Variants in FARS2 observed in about 807,000 individuals in gnomAD.
FARS2 encodes the protein phenylalanyl-tRNA synthetase 2, mitochondrial.
In FARS2, 40 loss-of-function variants were observed where a neutral mutation model predicts 46.4. The observed-to-expected ratio is 0.86, with a 90% CI of 0.67 to 1.12. The LOEUF (loss-of-function observed/expected upper bound fraction) is 1.12, where lower values mean the gene tolerates loss of function less well. Among genes scored for constraint, FARS2 ranks in the 50% most tolerant of loss-of-function variants. FARS2 has a pLI of 0.00. For missense variants in FARS2, 513 were observed against 567.9 expected (o/e 0.90, Z 0.98); for synonymous variants, 234 against 214.9 (o/e 1.09, Z -0.78).
chr6:5,481,122 C>T (rs1425610655), intron 4 of FARS2, among the ~76,000 whole-genome samples: 1 of 152,226 alleles, frequency 6.6e-6, no homozygotes, highest in Admixed American at 6.5e-5. Context: ...AACTCCCTGT[C>T]TCTCCCCGCT....
chr6:5,285,719 T>A (rs1398669414), intron 1 of FARS2, among the ~76,000 whole-genome samples: 2 of 152,172 alleles, frequency 1.3e-5, no homozygotes, highest in Non-Finnish European at 2.9e-5. Flanking sequence ...TCAAACCATT[T>A]AGGTCAAGTT....
rs149464883 is a variant in FARS2 at position 5,385,991 on chromosome 6, G to A, written c.612+16809G>A. ...GATGCCACACATTCTTGGGAAGCTC[G>A]TCCTAAACCAGATTGCTGTAAAATA... On this transcript the variant is annotated intron_variant, in intron 2 of 6. Transcript: ENST00000274680. Among the ~76,000 whole-genome samples, 608 of 152,172 alleles carry A rather than the reference G, an allele frequency of 4.0e-3. 2 individuals carry two copies. The highest frequency in any genetic ancestry group is 0.014 in the African/African-American group (584 of 41,490).
intron 4 of FARS2, among the ~76,000 whole-genome samples, chr6:5,474,435 T>C (rs1409968575): frequency 1.3e-5 from 2 of 152,046 alleles, no homozygotes; most frequent in African/African-American, 4.8e-5. Flanking sequence ...CTGAGAAACA[T>C]GTTGTTAGGC....
chr6:5,501,565 C>A (rs1386250766), intron 4 of FARS2, among the ~76,000 whole-genome samples: 1 of 152,048 alleles, frequency 6.6e-6, no homozygotes, highest in Non-Finnish European at 1.5e-5. Flanking sequence ...GGCGTGATCT[C>A]AGCTCACTGC....
intron 5 of FARS2, among the ~76,000 whole-genome samples, chr6:5,556,425 T>G (rs768537810): frequency 6.6e-6 from 1 of 152,000 alleles, no homozygotes; most frequent in East Asian, 1.9e-4. Context: ...CTCAGTCCCT[T>G]GTACCGTCAG....
intron 1 of FARS2, among the ~76,000 whole-genome samples, chr6:5,366,835 TAACC>T (rs1444389246): frequency 9.2e-5 from 14 of 152,356 alleles, no homozygotes; most frequent in Non-Finnish European, 1.5e-4. Flanking sequence ...AGGTAGCTAA[TAACC>T]TAACAGTTTG....
At chr6:5,370,291 C>T (rs763266599) in intron 2 of FARS2, among the ~76,000 whole-genome samples, 5 of 151,782 alleles carry the variant, frequency 3.3e-5, no homozygotes, top group African/African-American at 7.3e-5. Context: ...TGTTCTTTTG[C>T]GACTCTGTGA....
the FARS2 span, among the ~76,000 whole-genome samples, chr6:5,252,910 C>T: frequency 6.6e-6 from 1 of 151,978 alleles, no homozygotes; most frequent in South Asian, 2.1e-4. Context: ...TAGACCTTTC[C>T]TATGTGAGAA....
intron 4 of FARS2, among the ~76,000 whole-genome samples, chr6:5,459,951 A>G (rs996526467): frequency 7.5e-5 from 11 of 147,118 alleles, no homozygotes; most frequent in African/African-American, 2.9e-4. Context: ...GTGAAATATG[A>G]GGACTTAGCC....
chr6:5,331,433 A>G (rs140970277), intron 1 of FARS2, among the ~76,000 whole-genome samples: 2,079 of 152,316 alleles, frequency 0.014, 44 homozygotes, highest in African/African-American at 0.046. Context: ...TTCCCTGGCC[A>G]CAGGGAGGGA....
At chr6:5,455,000 C>T (rs1346201205) in intron 4 of FARS2, among the ~76,000 whole-genome samples, 1 of 152,194 alleles carries the variant, frequency 6.6e-6, no homozygotes, top group Admixed American at 6.5e-5. Flanking sequence ...TTGATTCTAG[C>T]TTCCCCTTCC....
intron 4 of FARS2, among the ~76,000 whole-genome samples, chr6:5,469,961 A>G (rs1765720823): frequency 6.6e-6 from 1 of 152,266 alleles, no homozygotes; most frequent in African/African-American, 2.4e-5. Context: ...AATAGGAATA[A>G]TACTGGTACT....
intron 4 of FARS2, among the ~76,000 whole-genome samples, chr6:5,467,469 A>G (rs1350282754): frequency 6.6e-6 from 1 of 152,116 alleles, no homozygotes; most frequent in Admixed American, 6.6e-5. Flanking sequence ...CTGAAATAAG[A>G]TACAATAGGT....
rs754919397 is a variant in FARS2, at chr6:5,532,338, G to A, written c.905-12842G>A. 2.6e-5 allele frequency among the ~76,000 whole-genome samples: 4 copies of A among 152,188 alleles called. 1 individual carries two copies. The South Asian group carries it at 8.3e-4, about 32-fold the overall frequency. ...TCCCAATGTTTATGTGATCTTGCTC[G>A]AACACTGTTTATCTTTTCAACATAG... On this transcript the variant is annotated intron_variant, in intron 4 of 6. Transcript: ENST00000274680.
chr6:5,507,598 C>T (rs764474077), intron 4 of FARS2, among the ~76,000 whole-genome samples: 2 of 152,236 alleles, frequency 1.3e-5, no homozygotes, highest in East Asian at 1.9e-4. Flanking sequence ...TTTAAGAGAA[C>T]GTGAAGAGGA....
chr6:5,499,122 C>T (rs6921688), intron 4 of FARS2, among the ~76,000 whole-genome samples: 79,566 of 152,020 alleles, frequency 0.52, 21,474 homozygotes, highest in Non-Finnish European at 0.59. Flanking sequence ...GGTCACGAAG[C>T]GGTGCCCTTT....
chr6:5,262,981 C>T (rs1765296713), intron 1 of FARS2, among the ~76,000 whole-genome samples: 1 of 152,158 alleles, frequency 6.6e-6, no homozygotes, highest in African/African-American at 2.4e-5. Flanking sequence ...TCTCTTGATA[C>T]ACTATTGTGT....
At chr6:5,482,939 C>T (rs1295725273) in intron 4 of FARS2, among the ~76,000 whole-genome samples, 3 of 152,160 alleles carry the variant, frequency 2.0e-5, no homozygotes, top group Non-Finnish European at 4.4e-5. Flanking sequence ...GCCACAGCTG[C>T]ATTGGAAGGA....
At chr6:5,609,671 T>A in intron 5 of FARS2, 1 of 1,258,386 alleles carries the variant, frequency 7.9e-7, no homozygotes, top group Non-Finnish European at 1.1e-6. Flanking sequence ...TTCACAGTTG[T>A]GGCCATTCAC....
Sources: gnomAD v4.1 joint callset for allele counts (sites outside exome capture counted in the v4.1 genomes callset) on GRCh38, gnomAD v4.1.1 for gene constraint, MANE v1.5 for transcripts, NCBI Gene and HGNC (gene_info 2026-07-23, HGNC 2026-07-21) for gene names.